Variants in ADAMTSL3 observed in about 807,000 individuals in gnomAD.
ADAMTSL3 encodes the protein ADAMTS like 3, also known as ADAMTS-like protein 3.
A neutral mutation model predicts 201.7 loss-of-function variants in ADAMTSL3; 128 were observed. The observed-to-expected ratio is 0.63, with a 90% CI of 0.55 to 0.73. The LOEUF (loss-of-function observed/expected upper bound fraction) is 0.73. Among genes scored for constraint, ADAMTSL3 ranks in the 30% least tolerant of loss-of-function variants. The pLI is 0.00. For missense variants in ADAMTSL3, 1,990 were observed against 2,119.6 expected, an observed-to-expected ratio of 0.94 and a Z score of 1.20; for synonymous variants, 738 against 748.4, an observed-to-expected ratio of 0.99 and a Z score of 0.23.
At chr15:83,856,062 G>A (rs2064724684) in intron 7 of ADAMTSL3, among the ~76,000 whole-genome samples, 1 of 144,332 alleles carries the variant, frequency 6.9e-6, no homozygotes, top group Non-Finnish European at 1.5e-5. Context: ...CATGATGAAT[G>A]CATTAATCTT....
rs965289060 is a variant in ADAMTSL3 at position 83,704,518 on chromosome 15, T to C, written c.189+10T>C. The C allele has an allele frequency of 6.2e-7, 1 of 1,614,088 alleles. No homozygotes were observed. Among genetic ancestry groups the C allele is most frequent in the South Asian group, 1.1e-5 (1 of 91,050 alleles). ...TCGCTATGATGACCAGGTAAGAACA[T>C]TGGACAAGGATCTACCTTTGGCTTT... is the stretch of plus-strand genomic sequence containing the variant. On this transcript the variant is annotated intron_variant, in intron 3 of 29. Coordinates refer to ENST00000286744, the MANE Select transcript of ADAMTSL3 (RefSeq NM_207517.3).
intron 2 of ADAMTSL3, among the ~76,000 whole-genome samples, chr15:83,670,899 A>G (rs1451743906): frequency 6.6e-6 from 1 of 152,210 alleles, no homozygotes; most frequent in African/African-American, 2.4e-5. Context: ...CAGCATGCTT[A>G]GTAATTAGCG....
intron 6 of ADAMTSL3, among the ~76,000 whole-genome samples, chr15:83,837,592 G>A (rs2064299584): frequency 6.6e-6 from 1 of 152,082 alleles, no homozygotes; most frequent in Admixed American, 6.5e-5. Context: ...ACCAGCCTGG[G>A]CAGCATAGGG....
At chr15:83,912,648 T>C (rs2065953991) in intron 15 of ADAMTSL3, among the ~76,000 whole-genome samples, 1 of 152,168 alleles carries the variant, frequency 6.6e-6, no homozygotes, top group Non-Finnish European at 1.5e-5. Flanking sequence ...AAAATTTAGC[T>C]CCTAAACTTG....
At chr15:83,821,772 G>A (rs1290483933) in intron 6 of ADAMTSL3, among the ~76,000 whole-genome samples, 3 of 151,698 alleles carry the variant, frequency 2.0e-5, no homozygotes, top group Non-Finnish European at 2.9e-5. Flanking sequence ...CCTCCCAGAC[G>A]GGGTGGTGGC....
chr15:83,713,519 T>G (rs964472106), intron 3 of ADAMTSL3, among the ~76,000 whole-genome samples: 30 of 152,162 alleles, frequency 2.0e-4, no homozygotes, highest in African/African-American at 6.3e-4. Flanking sequence ...GAACATCTTT[T>G]TTTTTTCTCT....
chr15:83,916,835 C>G (rs2066042602), intron 16 of ADAMTSL3, among the ~76,000 whole-genome samples: 1 of 152,140 alleles, frequency 6.6e-6, no homozygotes, highest in African/African-American at 2.4e-5. Flanking sequence ...TGTTAGACTC[C>G]ATGGTTCTTC....
intron 10 of ADAMTSL3, among the ~76,000 whole-genome samples, chr15:83,885,654 A>T (rs892735849): frequency 6.6e-6 from 1 of 152,074 alleles, no homozygotes. Flanking sequence ...CAGGTGCAAG[A>T]GTATAAGCTT....
At chr15:84,015,307 TAA>T (rs1473629435) in intron 24 of ADAMTSL3, among the ~76,000 whole-genome samples, 1 of 152,120 alleles carries the variant, frequency 6.6e-6, no homozygotes, top group Non-Finnish European at 1.5e-5. Flanking sequence ...AAAATTAGTA[TAA>T]GAGTATAGAA....
At chr15:83,938,493 T>C (rs1464708001) in intron 17 of ADAMTSL3, among the ~76,000 whole-genome samples, 5 of 152,222 alleles carry the variant, frequency 3.3e-5, no homozygotes, top group Non-Finnish European at 7.3e-5. Flanking sequence ...AAAGGGCAGA[T>C]TTTATGTTAT....
intron 7 of ADAMTSL3, among the ~76,000 whole-genome samples, chr15:83,854,422 C>A (rs966870825): frequency 2.0e-5 from 3 of 152,146 alleles, no homozygotes; most frequent in African/African-American, 7.2e-5. Context: ...TTGGATTGAA[C>A]ATTTGTGGCA....
At chr15:83,881,705 A>C (rs2141857386) in intron 9 of ADAMTSL3, among the ~76,000 whole-genome samples, 1 of 152,042 alleles carries the variant, frequency 6.6e-6, no homozygotes, top group South Asian at 2.1e-4. Flanking sequence ...AAATACAAAA[A>C]CTAGCTAGGC....
intron 14 of ADAMTSL3, 62 bp from the exon 15 acceptor site, chr15:83,899,585 C>G (rs1227111113): frequency 1.3e-6 from 2 of 1,500,886 alleles, no homozygotes; most frequent in East Asian, 2.4e-5. Context: ...ATATGATCAC[C>G]TATCCAACTC....
rs2065063864 is a variant in ADAMTSL3, at chr15:83,870,699, A to G, written c.803-103A>G. 6.3e-6 allele frequency: 6 copies of G among 950,954 alleles called. No homozygotes were observed. In the Middle Eastern group the frequency reaches 1.3e-3, roughly 200 times the overall value. The allele number at this position is 950,954 out of a possible 1,614,324, so 58.9% of individuals were successfully genotyped here. A position where few individuals can be genotyped will look rare whatever the true frequency, so the allele number is the denominator to read the frequency against. ...TTGTAAACTGAGTGGCTATTTTGAC[A>G]TTGTTTTGATATCATATACTGACAT... On this transcript the variant is annotated intron_variant, in intron 8 of 29. Coordinates refer to ENST00000286744, the MANE Select transcript of ADAMTSL3 (RefSeq NM_207517.3).
At chr15:84,034,480 A>C (rs2068467722) in intron 28 of ADAMTSL3, among the ~76,000 whole-genome samples, 1 of 152,166 alleles carries the variant, frequency 6.6e-6, no homozygotes, top group African/African-American at 2.4e-5. Flanking sequence ...GGGAATGGGA[A>C]TTGTCAGGGT....
At chr15:83,874,304 T>C (rs1490065326) in intron 9 of ADAMTSL3, among the ~76,000 whole-genome samples, 5 of 145,064 alleles carry the variant, frequency 3.4e-5, no homozygotes, top group Admixed American at 1.3e-4. Flanking sequence ...AAGCGCCTCA[T>C]AGGGATCCCA....
At chr15:83,797,453 T>C (rs930761523) in intron 4 of ADAMTSL3, among the ~76,000 whole-genome samples, 15 of 151,736 alleles carry the variant, frequency 9.9e-5, no homozygotes, top group African/African-American at 3.4e-4. Flanking sequence ...ATACAAAAAT[T>C]AGCCTGGTGT....
Position 83,863,815 on chromosome 15 carries a change from A to G in ADAMTSL3, c.802+4975A>G, listed in dbSNP as rs1047741194. On this transcript the variant is annotated intron_variant, in intron 8 of 29. Transcript: ENST00000286744. ...CACAAAAAACCCTTCAAAAAAATCAATGAATCCAGGAGCTGGTTTTTTGAA... is the reference window on the plus strand; with the variant it reads ...CACAAAAAACCCTTCAAAAAAATCAGTGAATCCAGGAGCTGGTTTTTTGAA... 4.6e-5 allele frequency among the ~76,000 whole-genome samples: 7 copies of G among 152,334 alleles called. No individual in the cohort carries two copies. The East Asian group carries it at 1.3e-3, about 29-fold the overall frequency.
intron 16 of ADAMTSL3, among the ~76,000 whole-genome samples, chr15:83,918,259 G>A (rs2066074335): frequency 6.6e-6 from 1 of 152,156 alleles, no homozygotes; most frequent in African/African-American, 2.4e-5. Flanking sequence ...TTAAAACAAT[G>A]TTCTACAAAT....
Sources: allele counts gnomAD v4.1 joint callset (sites outside exome capture counted in the v4.1 genomes callset), GRCh38; gene constraint gnomAD v4.1.1; transcripts MANE v1.5; gene names NCBI Gene and HGNC (gene_info 2026-07-23, HGNC 2026-07-21).